Variants in ADCY3 observed in about 807,000 individuals in gnomAD.
The protein encoded by ADCY3 is adenylate cyclase 3, also known as adenylate cyclase type 3.
ADCY3 carries 70 observed loss-of-function variants against 119.4 expected under a neutral mutation model. The observed-to-expected ratio is 0.59, with a 90% confidence interval of 0.48 to 0.72. The LOEUF is 0.72. ADCY3 is among the 30% of genes least tolerant of loss of function. The probability of loss-of-function intolerance (pLI) is 0.00; values close to 1 mark genes in which losing one functional copy is unlikely to be tolerated. For synonymous variants in ADCY3, 672 were observed against 621.4 expected (o/e 1.08, Z -1.21); for missense variants, 1,238 against 1,541.6 (o/e 0.80, Z 3.30).
chr2:24,857,486 A>G (rs924192838), intron 3 of ADCY3, among the ~76,000 whole-genome samples: 5 of 152,274 alleles, frequency 3.3e-5, no homozygotes, highest in Non-Finnish European at 7.3e-5. Flanking sequence ...TGGCAGCCAC[A>G]TTTAGCTACT....
intron 7 of ADCY3, among the ~76,000 whole-genome samples, chr2:24,839,583 G>A (rs1341354466): frequency 1.3e-5 from 2 of 152,188 alleles, no homozygotes; most frequent in East Asian, 3.9e-4. Flanking sequence ...AGTGGGTAAA[G>A]GGGAGGCAGC....
chr2:24,918,636 C>T lies in ADCY3; in HGVS notation c.352G>A (p.Asp118Asn). 1 of 1,614,128 alleles carries T rather than the reference C, an allele frequency of 6.2e-7. No homozygotes were observed. The highest frequency in any genetic ancestry group is 1.7e-5 in the Admixed American group (1 of 60,028). ...TTGCAGAGCACGAAGAGGATGATGT[C>T]CAACACCAGTCCAATTCCAGCCACG... ...LAVAGIGLVL[D>N]IILFVLCKKG... The change falls in exon 2 of 22, where the codon GAC becomes AAC. Residue 118 changes from aspartate to asparagine, a missense_variant. Physicochemically the swap from Asp to Asn is conservative, Grantham distance 23. Coordinates refer to ENST00000679454, the MANE Select transcript of ADCY3 (RefSeq NM_004036.5). The surrounding 1 kb of genome is among the most constrained non-coding windows in gnomAD (Gnocchi z 5.4).
Position 24,878,072 on chromosome 2 carries a change from A to G in ADCY3, c.676-5353T>C, listed in dbSNP as rs754189437. The G allele has an allele frequency of 1.4e-5, 4 of 282,754 alleles. No homozygotes were observed. The highest frequency in any genetic ancestry group is 3.1e-5 in the Non-Finnish European group (4 of 129,646). 17.5% of individuals were successfully genotyped at this position (282,754 alleles called of 1,614,324 possible). A position where few individuals can be genotyped will look rare whatever the true frequency, so the allele number is the denominator to read the frequency against. On this transcript the variant is annotated intron_variant, in intron 2 of 21. Transcript: ENST00000679454. The surrounding 1 kb of genome is among the most constrained non-coding windows in gnomAD (Gnocchi z 4.0). The stretch of plus-strand genomic sequence containing the variant: ...GTCTCTATTTATAGATCTTTTTACA[A>G]GTTTCTTAATCCTAAAGTTTTCCTG...
chr2:24,823,471 C>A, intron 17 of ADCY3, 116 bp from the exon 18 acceptor site: 28 of 1,023,998 alleles, frequency 2.7e-5, no homozygotes, highest in Middle Eastern at 3.2e-4. Flanking sequence ...TGGACTCACA[C>A]ATCAGTCAGA....
In ADCY3 at chr2:24,821,619, G is replaced by GCT. The variant is rs1667727794; in HGVS notation, c.3023_3024dup (p.Arg1009SerfsTer16). 1.2e-6 allele frequency: 2 copies of GCT among 1,614,052 alleles called. No homozygotes were observed. Among genetic ancestry groups the GCT allele is most frequent in the Non-Finnish European group, 1.7e-6 (2 of 1,180,008 alleles). ...GCCAGGTCAGCCAGGTGCTGCCAGC[G>GCT]CTCTCTCTCGGACTTGTCTTCCTGT... On this transcript the variant is annotated frameshift_variant, in exon 20 of 22. Coordinates refer to ENST00000679454, the MANE Select transcript of ADCY3 (RefSeq NM_004036.5). LOFTEE classifies it high-confidence loss of function.
In ADCY3 at chr2:24,834,153, G is replaced by T. The variant is rs1669974003; in HGVS notation, c.1967+332C>A. On this transcript the variant is annotated intron_variant, in intron 11 of 21. Coordinates refer to ENST00000679454, the MANE Select transcript of ADCY3 (RefSeq NM_004036.5). This position sits in a 1 kb window ranked among gnomAD's most constrained non-coding sequence, Gnocchi z 4.2. ...AGCCTTGGTGACTGAGACTGACGCAGTGTCCCCATCTTTGTCCCAAGAATC... is the reference window on the plus strand; with the variant it reads ...AGCCTTGGTGACTGAGACTGACGCATTGTCCCCATCTTTGTCCCAAGAATC... 6.6e-6 allele frequency among the ~76,000 whole-genome samples: 1 copy of T among 152,232 alleles called. No homozygotes were observed. The highest frequency in any genetic ancestry group is 1.5e-5 in the Non-Finnish European group (1 of 68,038).
At chr2:24,877,129 C>T (rs982400776) in intron 2 of ADCY3, among the ~76,000 whole-genome samples, 2 of 152,384 alleles carry the variant, frequency 1.3e-5, no homozygotes, top group Admixed American at 1.3e-4. Context: ...ATGTCCCCCA[C>T]ACATGGCCCT....
intron 7 of ADCY3, 122 bp from the exon 8 acceptor site, chr2:24,838,744 G>A: frequency 6.3e-7 from 1 of 1,584,924 alleles, no homozygotes; most frequent in Non-Finnish European, 8.6e-7. Context: ...CGGGCATGTG[G>A]GGCAGAGGCC....
rs1668598425 is a variant in ADCY3, at chr2:24,826,237, A to G, written c.2496-111T>C. 10 of 949,994 alleles carry G rather than the reference A, an allele frequency of 1.1e-5. No individual in the cohort carries two copies. The South Asian group carries it at 1.2e-4, about 11-fold the overall frequency. 58.8% of individuals were successfully genotyped at this position (949,994 alleles called of 1,614,324 possible). ...TCCTGCCACCCCAGCCCTAGAGCTC[A>G]CCCCGGCTCCTTAGGCCCTTTCACA... is the stretch of plus-strand genomic sequence containing the variant. On this transcript the variant is annotated intron_variant, in intron 15 of 21. Transcript: ENST00000679454.
In ADCY3 at chr2:24,919,000, C is replaced by T; in HGVS notation, c.-13G>A. ...GGTTCCTCGGCATACTGGCTGGTGTCTGCTACTGGCCCTAGAGAAGTGGAC... is the reference window on the plus strand; with the variant it reads ...GGTTCCTCGGCATACTGGCTGGTGTTTGCTACTGGCCCTAGAGAAGTGGAC... On this transcript the variant is annotated 5_prime_UTR_variant, in exon 2 of 22. Coordinates refer to ENST00000679454, the MANE Select transcript of ADCY3 (RefSeq NM_004036.5). This position sits in a 1 kb window ranked among gnomAD's most constrained non-coding sequence, Gnocchi z 5.4. 6.5e-7 allele frequency: 1 copy of T among 1,541,692 alleles called. No homozygotes were observed. The highest frequency in any genetic ancestry group is 8.7e-7 in the Non-Finnish European group (1 of 1,148,438).
At chr2:24,887,286 A>G (rs1332842118) in intron 2 of ADCY3, among the ~76,000 whole-genome samples, 1 of 151,920 alleles carries the variant, frequency 6.6e-6, no homozygotes, top group Admixed American at 6.6e-5. Flanking sequence ...TGATTCAACT[A>G]CCTCCACCTG....
At chr2:24,900,978 T>A (rs553102306) in intron 2 of ADCY3, among the ~76,000 whole-genome samples, 1 of 152,062 alleles carries the variant, frequency 6.6e-6, no homozygotes, top group South Asian at 2.1e-4. Context: ...GGCAGGAGAA[T>A]CGCTTGAACT....
At chr2:24,871,821 C>A (rs1675046866) in intron 3 of ADCY3, among the ~76,000 whole-genome samples, 2 of 152,180 alleles carry the variant, frequency 1.3e-5, no homozygotes, top group Admixed American at 1.3e-4. Flanking sequence ...TTAATCCAGG[C>A]CAAAACTATG....
intron 2 of ADCY3, among the ~76,000 whole-genome samples, chr2:24,890,924 C>G (rs563737444): frequency 1.3e-5 from 2 of 151,824 alleles, no homozygotes; most frequent in African/African-American, 4.8e-5. Context: ...CAGGCTGGAG[C>G]GCAGTGGCAC....
chr2:24,825,475 C>T, intron 16 of ADCY3: 1 of 154,100 alleles, frequency 6.5e-6, no homozygotes, highest in East Asian at 1.9e-4. Flanking sequence ...GCTGGGATTA[C>T]AGGTGCGGGC....
Position 24,907,980 on chromosome 2 carries a change from C to T in ADCY3, c.675+10333G>A, listed in dbSNP as rs150388282. Among the ~76,000 whole-genome samples, 18 of 150,292 alleles carry T rather than the reference C, an allele frequency of 1.2e-4. No individual in the cohort carries two copies. In the East Asian group the frequency reaches 3.2e-3, roughly 27 times the overall value. ...CTGCACTCCAGCCTGGGCAACAGAA[C>T]GAGACTCTCTCTCAAGAAAAAATAA... is the stretch of plus-strand genomic sequence containing the variant. On this transcript the variant is annotated intron_variant, in intron 2 of 21. Transcript: ENST00000679454.
chr2:24,886,934 T>C (rs1002691060), intron 2 of ADCY3, among the ~76,000 whole-genome samples: 1 of 152,220 alleles, frequency 6.6e-6, no homozygotes, highest in Non-Finnish European at 1.5e-5. Context: ...AATCACCAAC[T>C]CGACAGTCCC....
At chr2:24,896,254 A>ACT (rs1455042434) in intron 2 of ADCY3, among the ~76,000 whole-genome samples, 1 of 152,054 alleles carries the variant, frequency 6.6e-6, no homozygotes, top group East Asian at 1.9e-4. Flanking sequence ...GCATGGTGGC[A>ACT]TGCACCTGTA....
chr2:24,859,421 A>G (rs58382392), intron 3 of ADCY3, among the ~76,000 whole-genome samples: 2,456 of 152,292 alleles, frequency 0.016, 48 homozygotes, highest in African/African-American at 0.056. Flanking sequence ...GCTTGGCACT[A>G]GAAGCCCAAC....
Sources: allele counts gnomAD v4.1 joint callset (sites outside exome capture counted in the v4.1 genomes callset), GRCh38; gene constraint gnomAD v4.1.1; non-coding constraint Gnocchi (gnomAD v3.1); transcripts MANE v1.5; gene names NCBI Gene and HGNC (gene_info 2026-07-23, HGNC 2026-07-21).